The following SLC2A13 variants were observed in gnomAD, a reference collection of about 807,000 sequenced individuals.
SLC2A13 encodes solute carrier family 2 member 13, also known as proton myo-inositol cotransporter.
In SLC2A13, 32 loss-of-function variants were observed where a neutral mutation model predicts 64.4. That is an observed-to-expected ratio of 0.50 (90% confidence interval 0.37 to 0.67). The LOEUF is 0.67. SLC2A13 is among the 30% of genes least tolerant of loss of function. The pLI, the probability that SLC2A13 is intolerant of heterozygous loss-of-function variation, is 0.00. For missense variants in SLC2A13, 743 were observed against 829.2 expected (o/e 0.90, Z 1.28); for synonymous variants, 338 against 327.1 (o/e 1.03, Z -0.36).
intron 6 of SLC2A13, among the ~76,000 whole-genome samples, chr12:39,852,822 G>C (rs1943506139): frequency 6.6e-6 from 1 of 152,156 alleles, no homozygotes; most frequent in Non-Finnish European, 1.5e-5. Flanking sequence ...TTGCATAGCG[G>C]TATAACTTTG....
At chr12:39,940,833 C>T (rs1946010596) in intron 4 of SLC2A13, among the ~76,000 whole-genome samples, 2 of 151,688 alleles carry the variant, frequency 1.3e-5, no homozygotes, top group East Asian at 3.9e-4. Context: ...ATATACTGCA[C>T]CATATTTGTA....
chr12:39,813,470 A>C (rs1176686054), intron 7 of SLC2A13, among the ~76,000 whole-genome samples: 1 of 152,204 alleles, frequency 6.6e-6, no homozygotes, highest in African/African-American at 2.4e-5. Context: ...AGCAAATTTC[A>C]GATACCATAT....
intron 5 of SLC2A13, among the ~76,000 whole-genome samples, chr12:39,867,583 C>T (rs575081863): frequency 3.3e-5 from 5 of 152,242 alleles, no homozygotes; most frequent in Admixed American, 3.3e-4. Flanking sequence ...ACATCTATCT[C>T]TTAAGGTCCA....
chr12:39,960,158 A>G (rs1033634383), intron 3 of SLC2A13, among the ~76,000 whole-genome samples: 9 of 152,132 alleles, frequency 5.9e-5, no homozygotes, highest in African/African-American at 1.9e-4. Context: ...TTATATGCAT[A>G]TTTCATAATA....
chr12:40,048,181 T>G lies in SLC2A13; in HGVS notation c.586A>C (p.Ile196Leu), dbSNP rs758683743. 8 of 1,612,042 alleles carry G rather than the reference T, an allele frequency of 5.0e-6. No homozygotes were observed. Among genetic ancestry groups the G allele is most frequent in the Non-Finnish European group, 6.8e-6 (8 of 1,179,416 alleles). Residue 196 changes from isoleucine to leucine, a missense_variant, in exon 2 of 10, where the codon ATT becomes CTT. This residue lies in a region of SLC2A13 where 448 missense variants were observed against 447.4 expected (regional missense o/e 1.00). Coordinates refer to ENST00000280871, the MANE Select transcript of SLC2A13 (RefSeq NM_052885.4). ...AAATTGGGTGGTGAGACCTCCGCAA[T>G]GTACACTGGCACTGTCATAGAAGCA... ...GIASMTVPVY[I>L]AEVSPPNLRG...
chr12:40,035,513 G>A (rs544341035), intron 2 of SLC2A13, among the ~76,000 whole-genome samples: 2 of 152,286 alleles, frequency 1.3e-5, no homozygotes, highest in Non-Finnish European at 2.9e-5. Context: ...GCACCCTGAT[G>A]ACTGATACAC....
intron 3 of SLC2A13, among the ~76,000 whole-genome samples, chr12:39,976,717 A>T (rs530800126): frequency 1.1e-4 from 16 of 152,294 alleles, no homozygotes; most frequent in Admixed American, 7.8e-4. Context: ...CTTTTTAATC[A>T]TCAGTATGTC....
chr12:39,917,841 C>T (rs774832850), intron 4 of SLC2A13, among the ~76,000 whole-genome samples: 4 of 151,956 alleles, frequency 2.6e-5, no homozygotes, highest in African/African-American at 4.8e-5. Context: ...TGAATATAAC[C>T]TCTTCCTCTT....
intron 6 of SLC2A13, among the ~76,000 whole-genome samples, chr12:39,863,023 T>C (rs1943802256): frequency 6.6e-6 from 1 of 152,164 alleles, no homozygotes; most frequent in Non-Finnish European, 1.5e-5. Flanking sequence ...TACTGTCAAA[T>C]TCCCACAAAG....
At position 39,896,833 on chromosome 12, in the gene SLC2A13, C is replaced by G. The variant is rs149399061; in HGVS notation, c.1035-24872G>C. Among the ~76,000 whole-genome samples the G allele has an allele frequency of 5.4e-3, 816 of 152,146 alleles. 5 individuals carry two copies. Among genetic ancestry groups the G allele is most frequent in the Middle Eastern group, 0.01 (3 of 294 alleles). On this transcript the variant is annotated intron_variant, in intron 4 of 9. Transcript: ENST00000280871. ...ACTAATCATTCTGTCAATAGTGTGA[C>G]AAAATATGTACAATTTTTATAGCTA...
chr12:40,043,199 CT>C (rs1948120937), intron 2 of SLC2A13, among the ~76,000 whole-genome samples: 1 of 152,044 alleles, frequency 6.6e-6, no homozygotes, highest in Non-Finnish European at 1.5e-5. Context: ...ACAGATCATT[CT>C]GATGGCTAAG....
intron 3 of SLC2A13, among the ~76,000 whole-genome samples, chr12:40,019,167 G>A (rs372150949): frequency 1.1e-4 from 16 of 152,234 alleles, no homozygotes; most frequent in Non-Finnish European, 1.6e-4. Context: ...AGCAAGAACC[G>A]AGAAGAGAAG....
chr12:39,996,731 T>G (rs1421512305), intron 3 of SLC2A13, among the ~76,000 whole-genome samples: 1 of 152,194 alleles, frequency 6.6e-6, no homozygotes, highest in Non-Finnish European at 1.5e-5. Flanking sequence ...CCTTCTACAT[T>G]GTGTTGAGCC....
chr12:40,100,694 T>C (rs1005497311), intron 1 of SLC2A13, among the ~76,000 whole-genome samples: 2 of 152,154 alleles, frequency 1.3e-5, no homozygotes, highest in Admixed American at 1.3e-4. Context: ...CCGGGCATGG[T>C]GGCTCACACC....
chr12:39,941,399 A>G (rs547199520), intron 4 of SLC2A13, among the ~76,000 whole-genome samples: 1 of 152,290 alleles, frequency 6.6e-6, no homozygotes, highest in East Asian at 1.9e-4. Flanking sequence ...GCAGTGTAGA[A>G]GTGCTCCCTG....
At chr12:40,018,666 C>A (rs1191517566) in intron 3 of SLC2A13, among the ~76,000 whole-genome samples, 2 of 152,144 alleles carry the variant, frequency 1.3e-5, no homozygotes, top group African/African-American at 4.8e-5. Flanking sequence ...GAGAAAACTC[C>A]TAATATGTTA....
intron 7 of SLC2A13, among the ~76,000 whole-genome samples, chr12:39,784,625 G>A (rs1231456774): frequency 6.6e-6 from 1 of 152,144 alleles, no homozygotes; most frequent in African/African-American, 2.4e-5. Flanking sequence ...AAAAACCCTA[G>A]AAGAAAATCT....
intron 7 of SLC2A13, among the ~76,000 whole-genome samples, chr12:39,786,976 CTG>C (rs1941210138): frequency 8.2e-6 from 1 of 121,904 alleles, no homozygotes; most frequent in South Asian, 2.7e-4. Flanking sequence ...GGCATATTTT[CTG>C]TGTTTTTTCT....
intron 2 of SLC2A13, among the ~76,000 whole-genome samples, chr12:40,039,331 G>C (rs1948043398): frequency 6.6e-6 from 1 of 152,076 alleles, no homozygotes; most frequent in Admixed American, 6.5e-5. Context: ...ATTAAAGTGT[G>C]TCTCTTTAGA....
Sources: allele counts gnomAD v4.1 joint callset (sites outside exome capture counted in the v4.1 genomes callset), GRCh38; gene constraint gnomAD v4.1.1; regional missense constraint gnomAD v4.1.1; transcripts MANE v1.5; gene names NCBI Gene and HGNC (gene_info 2026-07-23, HGNC 2026-07-21).